CEP70: variants seen among roughly 807,000 people sequenced by gnomAD.
The protein encoded by CEP70 is centrosomal protein 70.
Under a neutral mutation model 90.9 loss-of-function variants are expected in CEP70, and 70 were observed. The ratio of observed to expected loss-of-function variants is 0.77; its 90% CI spans 0.64 to 0.94. CEP70 has a LOEUF of 0.94. Among genes scored for constraint, CEP70 ranks in the 40% least tolerant of loss-of-function variants. CEP70 has a pLI of 0.00. For missense variants in CEP70, 648 were observed against 669.0 expected, an observed-to-expected ratio of 0.97 and a Z score of 0.35; for synonymous variants, 220 against 228.3, an observed-to-expected ratio of 0.96 and a Z score of 0.33.
intron 17 of CEP70, among the ~76,000 whole-genome samples, 200 bp from the exon 18 acceptor site, chr3:138,495,276 TTATA>T (rs775931259): frequency 2.6e-5 from 4 of 152,174 alleles, no homozygotes; most frequent in Non-Finnish European, 5.9e-5. Flanking sequence ...GGGGCTCTGT[TTATA>T]TAAGTTACCA....
intron 2 of CEP70, among the ~76,000 whole-genome samples, chr3:138,579,817 C>A (rs996847265): frequency 2.0e-5 from 3 of 151,810 alleles, no homozygotes; most frequent in Non-Finnish European, 4.4e-5. Context: ...AGGACAGACC[C>A]CTTCTGCTTG....
chr3:138,583,787 C>T (rs1254912096), intron 2 of CEP70, among the ~76,000 whole-genome samples: 2 of 151,936 alleles, frequency 1.3e-5, no homozygotes, highest in African/African-American at 2.4e-5. Context: ...CATACCAAAA[C>T]CTATGGGATA....
intron 2 of CEP70, among the ~76,000 whole-genome samples, chr3:138,575,594 C>T (rs1294469077): frequency 2.6e-5 from 4 of 152,134 alleles, no homozygotes; most frequent in African/African-American, 7.2e-5. Context: ...TCAGGAAATA[C>T]AGAGAACACC....
intron 2 of CEP70, among the ~76,000 whole-genome samples, chr3:138,573,621 CT>C (rs774163589): frequency 6.6e-6 from 1 of 152,082 alleles, no homozygotes; most frequent in Non-Finnish European, 1.5e-5. Context: ...AGAAGACTCC[CT>C]GATGGAAAAG....
intron 8 of CEP70, 92 bp downstream of exon 8, chr3:138,532,422 C>T: frequency 8.8e-7 from 1 of 1,130,508 alleles, no homozygotes; most frequent in East Asian, 3.3e-5. Flanking sequence ...GGTGGATTTC[C>T]ATAGTATATT....
chr3:138,577,121 C>G (rs1383708486), intron 2 of CEP70, among the ~76,000 whole-genome samples: 1 of 152,094 alleles, frequency 6.6e-6, no homozygotes, highest in Non-Finnish European at 1.5e-5. Flanking sequence ...TGCATGTTCT[C>G]ACTCATAGGT....
chr3:138,570,253 C>T, intron 6 of CEP70, 65 bp downstream of exon 6: 3 of 1,087,454 alleles, frequency 2.8e-6, no homozygotes, highest in Non-Finnish European at 3.9e-6. Context: ...ATGGAAGTCA[C>T]CTGGGACCAT....
At chr3:138,535,242 C>G (rs1419383182) in intron 7 of CEP70, among the ~76,000 whole-genome samples, 1 of 151,846 alleles carries the variant, frequency 6.6e-6, no homozygotes, top group Non-Finnish European at 1.5e-5. Context: ...TTGAAACATC[C>G]TTTCTCTCAC....
chr3:138,589,309 A>G (rs894683841), intron 2 of CEP70, among the ~76,000 whole-genome samples: 3 of 152,162 alleles, frequency 2.0e-5, no homozygotes, highest in Non-Finnish European at 4.4e-5. Context: ...TACTGACCCA[A>G]AACAACCAAC....
At chr3:138,567,102 GA>G (rs1267120637) in intron 6 of CEP70, among the ~76,000 whole-genome samples, 1 of 152,094 alleles carries the variant, frequency 6.6e-6, no homozygotes, top group Non-Finnish European at 1.5e-5. Context: ...AATGCTGAAT[GA>G]AAAAAACTGA....
At chr3:138,530,841 T>C in intron 8 of CEP70, 1 of 985,002 alleles carries the variant, frequency 1.0e-6, no homozygotes, top group African/African-American at 1.7e-5. Flanking sequence ...ATCCTGAAAT[T>C]GCCAGAATCT....
intron 6 of CEP70, among the ~76,000 whole-genome samples, chr3:138,544,577 T>C (rs1427183233): frequency 6.6e-6 from 1 of 151,994 alleles, no homozygotes; most frequent in Non-Finnish European, 1.5e-5. Flanking sequence ...ATATTATATA[T>C]ATAAACATAT....
chr3:138,521,093 G>T (rs2036577218), intron 11 of CEP70, among the ~76,000 whole-genome samples: 1 of 152,206 alleles, frequency 6.6e-6, no homozygotes, highest in African/African-American at 2.4e-5. Flanking sequence ...TGCAGACAGA[G>T]TCTTGCTCAC....
In CEP70 at chr3:138,542,108, G is replaced by A. The variant is rs149181541; in HGVS notation, c.466-4761C>T. Among the ~76,000 whole-genome samples, 860 of 152,338 alleles carry A rather than the reference G, an allele frequency of 5.6e-3. 7 individuals are homozygous for A. Among genetic ancestry groups the A allele is most frequent in the African/African-American group, 0.02 (828 of 41,580 alleles). On this transcript the variant is annotated intron_variant, in intron 6 of 17. Transcript: ENST00000264982. Reference sequence around the variant, plus strand: ...CATGCCTGCTAAGGGCAAGCCAGGTGCAGAGCAGTGAGGGGTGTGTGAGTT... The same window carrying A: ...CATGCCTGCTAAGGGCAAGCCAGGTACAGAGCAGTGAGGGGTGTGTGAGTT...
At position 138,521,765 on chromosome 3, in the gene CEP70, G is replaced by A. The variant is rs530272932; in HGVS notation, c.944+3725C>T. The stretch of plus-strand genomic sequence containing the variant: ...AAGTGAGGAGCCCTTCTGCCCGGCC[G>A]CCACCCTGTCTGGGAGGTGTACCCA... On this transcript the variant is annotated intron_variant, in intron 11 of 17. Transcript: ENST00000264982. Among the ~76,000 whole-genome samples the A allele has an allele frequency of 6.6e-5, 10 of 152,242 alleles. No homozygotes were observed. The South Asian group carries it at 1.2e-3, about 19-fold the overall frequency.
chr3:138,571,594 G>C (rs541043070), intron 3 of CEP70, among the ~76,000 whole-genome samples: 2 of 152,158 alleles, frequency 1.3e-5, no homozygotes, highest in East Asian at 3.9e-4. Flanking sequence ...TCATATGTAG[G>C]CCTCAATGGA....
intron 17 of CEP70, chr3:138,496,328 C>G: frequency 1.0e-6 from 1 of 985,412 alleles, no homozygotes; most frequent in South Asian, 4.7e-5. Flanking sequence ...CTTTTAAGCT[C>G]CCGACTTCAG....
chr3:138,579,108 T>C (rs796804871), intron 2 of CEP70, among the ~76,000 whole-genome samples: 3 of 152,284 alleles, frequency 2.0e-5, no homozygotes, highest in African/African-American at 7.2e-5. Context: ...GAACTTTGCA[T>C]TGAAAGGCAG....
chr3:138,508,845 T>C (rs2035248086), intron 11 of CEP70, among the ~76,000 whole-genome samples: 1 of 152,152 alleles, frequency 6.6e-6, no homozygotes, highest in East Asian at 1.9e-4. Flanking sequence ...ACCATTCTCC[T>C]GCCTCAGCCT....
Sources: gnomAD v4.1 joint callset for allele counts (sites outside exome capture counted in the v4.1 genomes callset) on GRCh38, gnomAD v4.1.1 for gene constraint, MANE v1.5 for transcripts, NCBI Gene and HGNC (gene_info 2026-07-23, HGNC 2026-07-21) for gene names.